RGS7: variants seen among roughly 807,000 people sequenced by gnomAD.
The protein encoded by RGS7 is regulator of G-protein signaling 7.
A neutral mutation model predicts 81.1 loss-of-function variants in RGS7; 27 were observed. The ratio of observed to expected loss-of-function variants is 0.33; its 90% CI spans 0.25 to 0.46. RGS7 has a LOEUF of 0.46. Among genes scored for constraint, RGS7 ranks in the 20% least tolerant of loss-of-function variants. The pLI is 1.00. For synonymous variants in RGS7, 208 were observed against 207.7 expected, an observed-to-expected ratio of 1.00 and a Z score of -0.01; for missense variants, 396 against 607.4, an observed-to-expected ratio of 0.65 and a Z score of 3.66.
chr1:241,025,852 C>T (rs963958315), intron 3 of RGS7, among the ~76,000 whole-genome samples: 2 of 152,118 alleles, frequency 1.3e-5, no homozygotes, highest in African/African-American at 4.8e-5. Context: ...TGACAGTGGA[C>T]TCACTTTCTG....
chr1:241,015,776 C>T (rs1334462275), intron 3 of RGS7, among the ~76,000 whole-genome samples: 1 of 152,086 alleles, frequency 6.6e-6, no homozygotes, highest in Non-Finnish European at 1.5e-5. Context: ...CTTTTAAAAA[C>T]TAAGTATATT....
rs376294514 is a variant in RGS7, at chr1:240,862,244, A to G, written c.609+6343T>C. Reference sequence around the variant, plus strand: ...AGAATGATTATTCTGTGTCAATCCGACCTAAAAGTGACCTCATGGTTTTTT... The same window carrying G: ...AGAATGATTATTCTGTGTCAATCCGGCCTAAAAGTGACCTCATGGTTTTTT... On this transcript the variant is annotated intron_variant, in intron 9 of 18. Coordinates refer to ENST00000440928, the MANE Select transcript of RGS7 (RefSeq NM_001364886.1). Among the ~76,000 whole-genome samples, 14 of 152,246 alleles carry G rather than the reference A, an allele frequency of 9.2e-5. 1 individual carries two copies. In the South Asian group the frequency reaches 2.7e-3, roughly 29 times the overall value.
At chr1:241,028,148 C>A (rs1400880017) in intron 3 of RGS7, among the ~76,000 whole-genome samples, 1 of 152,166 alleles carries the variant, frequency 6.6e-6, no homozygotes, top group East Asian at 1.9e-4. Context: ...AAGCAGGCAC[C>A]AGCCTTCCCT....
At chr1:241,104,017 T>C (rs1399451367) in intron 2 of RGS7, among the ~76,000 whole-genome samples, 2 of 152,260 alleles carry the variant, frequency 1.3e-5, no homozygotes, top group African/African-American at 2.4e-5. Context: ...GAATCCTGAC[T>C]GTACTACTTA....
intron 6 of RGS7, among the ~76,000 whole-genome samples, chr1:240,925,137 G>C (rs1036061092): frequency 6.6e-6 from 1 of 151,930 alleles, no homozygotes; most frequent in East Asian, 1.9e-4. Context: ...TTAATTTTTA[G>C]TTTAGATTCA....
At chr1:241,123,030 T>C (rs368331781) in intron 2 of RGS7, among the ~76,000 whole-genome samples, 12 of 152,314 alleles carry the variant, frequency 7.9e-5, no homozygotes, top group East Asian at 3.9e-4. Context: ...TTTCCTGCTC[T>C]TGTGCAATCA....
chr1:240,947,107 C>T (rs1021239280), intron 4 of RGS7, among the ~76,000 whole-genome samples: 3 of 152,144 alleles, frequency 2.0e-5, no homozygotes, highest in Non-Finnish European at 4.4e-5. Context: ...TGGTGGACAA[C>T]ACACACATGC....
At chr1:240,845,105 G>C (rs1490758875) in intron 9 of RGS7, among the ~76,000 whole-genome samples, 1 of 152,206 alleles carries the variant, frequency 6.6e-6, no homozygotes, top group African/African-American at 2.4e-5. Context: ...TTGCACATCA[G>C]TTACAAAATT....
At chr1:241,352,605 C>G (rs1038906966) in intron 2 of RGS7, among the ~76,000 whole-genome samples, 20 of 152,308 alleles carry the variant, frequency 1.3e-4, no homozygotes, top group African/African-American at 4.8e-4. Context: ...TTGCAAGTAC[C>G]AACCCTAATC....
At chr1:240,974,941 A>G (rs185978178) in intron 4 of RGS7, among the ~76,000 whole-genome samples, 3 of 152,246 alleles carry the variant, frequency 2.0e-5, no homozygotes, top group African/African-American at 7.2e-5. Context: ...AATTTGCCCA[A>G]TGCCTGTAAC....
chr1:241,033,229 T>C (rs571912628), intron 3 of RGS7, among the ~76,000 whole-genome samples: 187 of 152,206 alleles, frequency 1.2e-3, no homozygotes, highest in Middle Eastern at 6.8e-3. Context: ...TGCACACCTG[T>C]GGTCCCACCT....
At chr1:240,879,024 T>C (rs1665951654) in intron 6 of RGS7, among the ~76,000 whole-genome samples, 1 of 152,198 alleles carries the variant, frequency 6.6e-6, no homozygotes, top group South Asian at 2.1e-4. Context: ...TAGGCACAGT[T>C]TGAATTTTAT....
chr1:240,845,848 C>T (rs1471415231), intron 9 of RGS7, among the ~76,000 whole-genome samples: 1 of 152,102 alleles, frequency 6.6e-6, no homozygotes, highest in Non-Finnish European at 1.5e-5. Flanking sequence ...AGAAGTAGCT[C>T]GAACAGTAAA....
chr1:240,853,780 A>G (rs1412081329), intron 9 of RGS7, among the ~76,000 whole-genome samples: 1 of 151,680 alleles, frequency 6.6e-6, no homozygotes, highest in Non-Finnish European at 1.5e-5. Flanking sequence ...GGGCACCTGT[A>G]GTCCCAGCTA....
At chr1:241,091,720 T>C (rs2063897359) in intron 3 of RGS7, among the ~76,000 whole-genome samples, 1 of 151,804 alleles carries the variant, frequency 6.6e-6, no homozygotes, top group Non-Finnish European at 1.5e-5. Context: ...ACCCTATCAC[T>C]ACAAAAAGTT....
At chr1:241,304,060 A>T (rs2148513683) in intron 2 of RGS7, among the ~76,000 whole-genome samples, 1 of 152,350 alleles carries the variant, frequency 6.6e-6, no homozygotes, top group Non-Finnish European at 1.5e-5. Flanking sequence ...TATAAGAGAA[A>T]TTTATATTAA....
chr1:240,943,672 C>A (rs1677986692), intron 4 of RGS7, among the ~76,000 whole-genome samples: 1 of 152,128 alleles, frequency 6.6e-6, no homozygotes, highest in Non-Finnish European at 1.5e-5. Flanking sequence ...CAGCAAAGAA[C>A]ACTAACAAAA....
At chr1:240,841,788 C>T (rs1376965754) in intron 9 of RGS7, among the ~76,000 whole-genome samples, 1 of 152,166 alleles carries the variant, frequency 6.6e-6, no homozygotes, top group African/African-American at 2.4e-5. Flanking sequence ...ATGCTTGTTG[C>T]CTCCTTTCCC....
intron 5 of RGS7, among the ~76,000 whole-genome samples, chr1:240,932,876 C>CT (rs36194238): frequency 0.04 from 2,303 of 57,356 alleles, 258 homozygotes; most frequent in African/African-American, 0.053. Flanking sequence ...TGGTATCTTT[C>CT]TTTTTTTTTT....
Sources: allele counts gnomAD v4.1 joint callset (sites outside exome capture counted in the v4.1 genomes callset), GRCh38; gene constraint gnomAD v4.1.1; transcripts MANE v1.5; gene names NCBI Gene and HGNC (gene_info 2026-07-23, HGNC 2026-07-21).